H6PD: variants seen among roughly 807,000 people sequenced by gnomAD.
The protein encoded by H6PD is GDH/6PGL endoplasmic bifunctional protein.
In H6PD, 48 loss-of-function variants were observed where a neutral mutation model predicts 61.2. The observed-to-expected ratio is 0.78, with a 90% CI of 0.62 to 1.00. The LOEUF (loss-of-function observed/expected upper bound fraction) is 1.00, where lower values mean the gene tolerates loss of function less well. Among genes scored for constraint, H6PD ranks in the 50% least tolerant of loss-of-function variants. The pLI, the probability that H6PD is intolerant of heterozygous loss-of-function variation, is 0.00. For synonymous variants in H6PD, 480 were observed against 457.9 expected (o/e 1.05, Z -0.62); for missense variants, 1,093 against 1,065.0 (o/e 1.03, Z -0.37).
rs768308841 is a variant in H6PD, at chr1:9,263,828, T to C, written c.1335T>C (p.Asp445=). The C allele has an allele frequency of 4.3e-6, 7 of 1,613,812 alleles. No homozygotes were observed. The highest frequency in any genetic ancestry group is 1.3e-5 in the African/African-American group (1 of 74,906). ...GLRLFGSPLS[D]YYAYSPVRER... is the part of the protein sequence containing the mutation. ...GCCTTTTCGGCAGCCCTCTGTCCGATTACTACGCCTACAGCCCTGTGCGGG... is the reference window on the plus strand; with the variant it reads ...GCCTTTTCGGCAGCCCTCTGTCCGACTACTACGCCTACAGCCCTGTGCGGG... Residue 445 remains aspartate (D), a synonymous_variant, in exon 5 of 5, where the codon GAT becomes GAC. Coordinates refer to ENST00000377403, the MANE Select transcript of H6PD (RefSeq NM_004285.4).
At chr1:9,261,459 C>T (rs1227224751) in intron 3 of H6PD, among the ~76,000 whole-genome samples, 2 of 152,190 alleles carry the variant, frequency 1.3e-5, no homozygotes, top group Non-Finnish European at 2.9e-5. Context: ...TACCCTCTGT[C>T]ACAACTGCTC....
chr1:9,236,903 G>A (rs749467585), intron 1 of H6PD, among the ~76,000 whole-genome samples: 1 of 152,090 alleles, frequency 6.6e-6, no homozygotes, highest in East Asian at 1.9e-4. Context: ...GGTCTTCCAC[G>A]TTTCAACAAA....
At chr1:9,242,840 C>T (rs1641039079) in intron 1 of H6PD, 34 of 985,496 alleles carry the variant, frequency 3.5e-5, no homozygotes, top group Non-Finnish European at 4.0e-5. Context: ...TTCTTGCTGC[C>T]TCTCTCCTGC....
intron 3 of H6PD, among the ~76,000 whole-genome samples, chr1:9,255,800 C>T (rs1358433025): frequency 6.6e-6 from 1 of 152,184 alleles, no homozygotes; most frequent in African/African-American, 2.4e-5. Flanking sequence ...CTTTTGCTGG[C>T]CCCGGTAGGC....
chr1:9,257,967 G>A (rs931748340), intron 3 of H6PD, among the ~76,000 whole-genome samples: 4 of 152,240 alleles, frequency 2.6e-5, no homozygotes, highest in East Asian at 3.8e-4. Context: ...AGTGCTCACC[G>A]GGGTTCAGCC....
In H6PD at chr1:9,268,901, A is replaced by G. The variant is rs2100424159; in HGVS notation, c.*4032A>G. 6.6e-6 allele frequency: 1 copy of G among 152,296 alleles called. No individual in the cohort carries two copies. The highest frequency in any genetic ancestry group is 2.1e-4 in the South Asian group (1 of 4,830). The allele number at this position is 152,296 out of a possible 1,614,324, so 9.4% of individuals were successfully genotyped here. A position where few individuals can be genotyped will look rare whatever the true frequency, so the allele number is the denominator to read the frequency against. On this transcript the variant is annotated 3_prime_UTR_variant, in exon 5 of 5. Transcript: ENST00000377403. Reference sequence around the variant, plus strand: ...ACGCTTCCCAAAAACCTGCAGGGCTATTTCCCAGAATTTGGTTTTCAAGTA... The same window carrying G: ...ACGCTTCCCAAAAACCTGCAGGGCTGTTTCCCAGAATTTGGTTTTCAAGTA...
In H6PD at chr1:9,266,703, G is replaced by A. The variant is rs993459256; in HGVS notation, c.*1834G>A. 3 of 152,320 alleles carry A rather than the reference G, an allele frequency of 2.0e-5. No homozygotes were observed. Among genetic ancestry groups the A allele is most frequent in the Admixed American group, 6.5e-5 (1 of 15,292 alleles). The allele number at this position is 152,320 out of a possible 1,614,324, so 9.4% of individuals were successfully genotyped here. ...CTCTGGACTGTTTACACTTCAAGGC[G>A]GTGGATTTAGAGGAATCCTGGCTTT... On this transcript the variant is annotated 3_prime_UTR_variant, in exon 5 of 5. Coordinates refer to ENST00000377403, the MANE Select transcript of H6PD (RefSeq NM_004285.4).
intron 3 of H6PD, 98 bp downstream of exon 3, chr1:9,247,181 G>A: frequency 1.2e-6 from 1 of 848,296 alleles, no homozygotes; most frequent in Non-Finnish European, 2.0e-6. Context: ...TTTTCTGTGG[G>A]TGTGTGGTCT....
Position 9,271,193 on chromosome 1 carries a change from C to CA in H6PD, c.*6327dup, listed in dbSNP as rs1448705258. The CA allele has an allele frequency of 6.6e-6, 1 of 152,202 alleles. No homozygotes were observed. The highest frequency in any genetic ancestry group is 1.9e-4 in the East Asian group (1 of 5,200). The allele number at this position is 152,202 out of a possible 1,614,324, so 9.4% of individuals were successfully genotyped here. On this transcript the variant is annotated 3_prime_UTR_variant, in exon 5 of 5. Transcript: ENST00000377403. ...AGGTGATCCATCCGCCTTGGCCTCC[C>CA]AAAGTGCTGGGATTACAGGCGGGAG...
intron 3 of H6PD, among the ~76,000 whole-genome samples, chr1:9,255,285 T>TA (rs397945306): frequency 6.6e-6 from 1 of 151,924 alleles, no homozygotes; most frequent in Non-Finnish European, 1.5e-5. Context: ...ATTTATTTTT[T>TA]ATTTTTTATT....
rs1641116199 is a variant in H6PD at position 9,244,970 on chromosome 1, C to T, written c.36C>T (p.Ala12=). 3.7e-6 allele frequency: 6 copies of T among 1,613,996 alleles called. No homozygotes were observed. Among genetic ancestry groups the T allele is most frequent in the African/African-American group, 1.3e-5 (1 of 74,900 alleles). Residue 12 remains alanine (A), a synonymous_variant, in exon 2 of 5, where the codon GCC becomes GCT. Coordinates refer to ENST00000377403, the MANE Select transcript of H6PD (RefSeq NM_004285.4). ...WNMLIVAMCL[A]LLGCLQAQEL... is the part of the protein sequence containing the mutation. The stretch of plus-strand genomic sequence containing the variant: ...TGCTCATAGTGGCGATGTGCTTGGC[C>T]CTTCTGGGCTGCCTGCAAGCCCAGG...
In H6PD at chr1:9,264,438, TACA is replaced by T; in HGVS notation, c.1949_1951del (p.Asn650del). 6.2e-7 allele frequency: 1 copy of T among 1,613,178 alleles called. No individual in the cohort carries two copies. Among genetic ancestry groups the T allele is most frequent in the Non-Finnish European group, 8.5e-7 (1 of 1,179,948 alleles). On this transcript the variant is annotated inframe_deletion, in exon 5 of 5. Transcript: ENST00000377403. The stretch of plus-strand genomic sequence containing the variant: ...GCTGCAGCACGTCCGGATCCCCTAC[TACA>T]ACATCCACCCCATGCCTGTGCACCT...
rs1232936389 is a variant in H6PD at position 9,245,390 on chromosome 1, T to C, written c.456T>C (p.Ile152=). Residue 152 remains isoleucine, a synonymous_variant, in exon 2 of 5, where the codon ATT becomes ATC. Coordinates refer to ENST00000377403, the MANE Select transcript of H6PD (RefSeq NM_004285.4). This position sits in a 1 kb window ranked among gnomAD's most constrained non-coding sequence, Gnocchi z 4.8. ...TGCCACCCTTCGCCTATGAAGACAT[T>C]GCCCGCAACATCAACAGTAGCTGCC... is the stretch of plus-strand genomic sequence containing the variant. ...FSVPPFAYED[I]ARNINSSCRP... The C allele has an allele frequency of 6.2e-7, 1 of 1,613,974 alleles. No individual in the cohort carries two copies. Among genetic ancestry groups the C allele is most frequent in the African/African-American group, 1.3e-5 (1 of 74,922 alleles).
At chr1:9,262,897 C>T (rs1638375156) in intron 4 of H6PD, among the ~76,000 whole-genome samples, 1 of 152,190 alleles carries the variant, frequency 6.6e-6, no homozygotes, top group African/African-American at 2.4e-5. Context: ...GCCATTAGCC[C>T]CGTTTTACAG....
rs80178254 is a variant in H6PD, at chr1:9,255,208, A to C, written c.746-6851A>C. ...TTTTATTTCTCTTGAGTATAAACCC[A>C]GGAGTGGGGTTGCTGGAGGATCATG... On this transcript the variant is annotated intron_variant, in intron 3 of 4. Transcript: ENST00000377403. Among the ~76,000 whole-genome samples the C allele has an allele frequency of 1.9e-3, 287 of 152,324 alleles. 1 individual carries two copies. The highest frequency in any genetic ancestry group is 6.7e-3 in the African/African-American group (277 of 41,556).
intron 1 of H6PD, chr1:9,239,790 C>G: frequency 2.6e-6 from 1 of 391,032 alleles, no homozygotes; most frequent in Non-Finnish European, 4.5e-6. Flanking sequence ...GCTCCTCTCT[C>G]CCACCCCTTG....
rs554777816 is a variant in H6PD, at chr1:9,250,892, T to TG, written c.745+3810dup. 7.5e-3 allele frequency among the ~76,000 whole-genome samples: 1,137 copies of TG among 152,234 alleles called. 12 individuals are homozygous for TG. Among genetic ancestry groups the TG allele is most frequent in the African/African-American group, 0.026 (1,076 of 41,554 alleles). ...TCCATCCTCCATGCTGGGTGAGTGTTGTTTTTTTTTCCTGCTGCAGCCTCT... is the reference window on the plus strand; with the variant it reads ...TCCATCCTCCATGCTGGGTGAGTGTTGGTTTTTTTTTCCTGCTGCAGCCTCT... On this transcript the variant is annotated intron_variant, in intron 3 of 4. Coordinates refer to ENST00000377403, the MANE Select transcript of H6PD (RefSeq NM_004285.4).
rs975750869 is a variant in H6PD at position 9,245,113 on chromosome 1, T to G, written c.179T>G (p.Phe60Cys). The change falls in exon 2 of 5, where the codon TTT (phenylalanine) becomes TGT (cysteine). Residue 60 changes from phenylalanine to cysteine, a missense_variant. Physicochemically the swap from Phe to Cys is radical, Grantham distance 205. Coordinates refer to ENST00000377403, the MANE Select transcript of H6PD (RefSeq NM_004285.4). The surrounding 1 kb of genome is among the most constrained non-coding windows in gnomAD (Gnocchi z 4.8). The part of the protein sequence containing the change: ...YLDEAGRGHS[F>C]SFHGAALTAP... ...GATGAAGCGGGGAGGGGTCACAGTT[T>G]TAGCTTCCATGGAGCTGCTCTGACA... 1 of 1,614,070 alleles carries G rather than the reference T, an allele frequency of 6.2e-7. No individual in the cohort carries two copies. The highest frequency in any genetic ancestry group is 1.3e-5 in the African/African-American group (1 of 74,928).
chr1:9,253,250 T>C (rs1400592780), intron 3 of H6PD, among the ~76,000 whole-genome samples: 2 of 152,070 alleles, frequency 1.3e-5, no homozygotes, highest in African/African-American at 4.8e-5. Flanking sequence ...AATTAAGGAA[T>C]AAAGGAAGCT....
Sources: allele counts gnomAD v4.1 joint callset (sites outside exome capture counted in the v4.1 genomes callset), GRCh38; gene constraint gnomAD v4.1.1; non-coding constraint Gnocchi (gnomAD v3.1); transcripts MANE v1.5; gene names NCBI Gene and HGNC (gene_info 2026-07-23, HGNC 2026-07-21).